The following ELAPOR1 variants were observed in gnomAD, a reference collection of about 807,000 sequenced individuals.
ELAPOR1 encodes endosome/lysosome-associated apoptosis and autophagy regulator 1.
ELAPOR1 carries 77 observed loss-of-function variants against 119.7 expected under a neutral mutation model. That is an observed-to-expected ratio of 0.64 (90% confidence interval 0.54 to 0.78). The LOEUF is 0.78. Among genes scored for constraint, ELAPOR1 ranks in the 30% least tolerant of loss-of-function variants. The probability of loss-of-function intolerance (pLI) is 0.00; values close to 1 mark genes in which losing one functional copy is unlikely to be tolerated. For missense variants in ELAPOR1, 1,115 were observed against 1,270.4 expected (o/e 0.88, Z 1.86); for synonymous variants, 481 against 487.2 (o/e 0.99, Z 0.17).
At chr1:109,158,312 T>TC (rs1651014286) in intron 1 of ELAPOR1, among the ~76,000 whole-genome samples, 1 of 150,642 alleles carries the variant, frequency 6.6e-6, no homozygotes, top group African/African-American at 2.4e-5. Flanking sequence ...CAGTTTTCTT[T>TC]TTTTTTTTTT....
chr1:109,125,180 C>T (rs1031791145), intron 1 of ELAPOR1, among the ~76,000 whole-genome samples: 5 of 151,728 alleles, frequency 3.3e-5, no homozygotes, highest in Non-Finnish European at 7.4e-5. Flanking sequence ...CAACCCACCT[C>T]GGCCTCCCAA....
intron 8 of ELAPOR1, 133 bp downstream of exon 8, chr1:109,185,266 C>G: frequency 1.5e-6 from 1 of 686,812 alleles, no homozygotes; most frequent in Non-Finnish European, 2.5e-6. Flanking sequence ...TTTGAGGTGA[C>G]CCTAGGGCTA....
At chr1:109,145,981 A>G (rs1167881831) in intron 1 of ELAPOR1, among the ~76,000 whole-genome samples, 2 of 152,338 alleles carry the variant, frequency 1.3e-5, no homozygotes, top group Middle Eastern at 3.4e-3. Flanking sequence ...GGCAATATTC[A>G]AAGAGAATAT....
At chr1:109,197,939 T>C in intron 16 of ELAPOR1, 40 bp from the exon 17 acceptor site, 2 of 1,528,956 alleles carry the variant, frequency 1.3e-6, no homozygotes, top group South Asian at 2.2e-5. Context: ...TGCCAGCTAA[T>C]GCTACTAGTG....
chr1:109,144,287 G>C (rs1316947684), intron 1 of ELAPOR1, among the ~76,000 whole-genome samples: 1 of 150,492 alleles, frequency 6.6e-6, no homozygotes, highest in Non-Finnish European at 1.5e-5. Flanking sequence ...CCCAACCTCA[G>C]GTGATCTGCC....
intron 1 of ELAPOR1, among the ~76,000 whole-genome samples, chr1:109,149,879 G>A (rs1055349577): frequency 1.3e-5 from 2 of 152,210 alleles, no homozygotes; most frequent in Non-Finnish European, 2.9e-5. Flanking sequence ...GGGAGCTCGA[G>A]GTGGAAGGGA....
Position 109,191,738 on chromosome 1 carries a change from A to G in ELAPOR1, c.1558A>G (p.Arg520Gly). The change falls in exon 13 of 22, where the codon AGG becomes GGG. Residue 520 changes from arginine to glycine, a missense_variant. Arg to Gly is a moderately radical substitution (Grantham distance 125). Coordinates refer to ENST00000369939, the MANE Select transcript of ELAPOR1 (RefSeq NM_020775.5). Reference sequence around the variant, plus strand: ...GTCCTGGGTTCAGGGTGTGAATTCTAGGACCAACACTCCTGTGGAGACGTG... The same window carrying G: ...GTCCTGGGTTCAGGGTGTGAATTCTGGGACCAACACTCCTGTGGAGACGTG... ...ELYFMVGVNS[R>G]TNTPVETWKG... 1 of 1,614,214 alleles carries G rather than the reference A, an allele frequency of 6.2e-7. No homozygotes were observed. The highest frequency in any genetic ancestry group is 1.1e-5 in the South Asian group (1 of 91,080).
At chr1:109,198,526 C>A in intron 17 of ELAPOR1, 47 bp from the exon 18 acceptor site, 1 of 1,522,454 alleles carries the variant, frequency 6.6e-7, no homozygotes, top group Non-Finnish European at 9.0e-7. Flanking sequence ...TGTCCAATAA[C>A]ACAGCTGAGT....
chr1:109,153,622 T>TGTTTC (rs1217478730), intron 1 of ELAPOR1, among the ~76,000 whole-genome samples: 1 of 15,642 alleles, frequency 6.4e-5, no homozygotes, highest in Non-Finnish European at 3.3e-4. Flanking sequence ...GCAGGTGTTT[T>TGTTTC]GTTTTGTTTT....
rs138864915 is a variant in ELAPOR1 at position 109,126,315 on chromosome 1, A to G, written c.153+11979A>G. On this transcript the variant is annotated intron_variant, in intron 1 of 21. Transcript: ENST00000369939. ...CAGTGTGGCTGAACCACATAAACTT[A>G]CACTTGTAAAATAAAAAAGTGCAAG... 9.9e-4 allele frequency among the ~76,000 whole-genome samples: 151 copies of G among 152,278 alleles called. 2 individuals carry two copies. The East Asian group carries it at 0.019, about 19-fold the overall frequency.
Position 109,203,213 on chromosome 1 carries a change from C to A in ELAPOR1, c.*201C>A, listed in dbSNP as rs1654287095. 3 of 542,254 alleles carry A rather than the reference C, an allele frequency of 5.5e-6. No homozygotes were observed. Among genetic ancestry groups the A allele is most frequent in the Non-Finnish European group, 9.8e-6 (3 of 304,902 alleles). The allele number at this position is 542,254 out of a possible 1,614,324, so 33.6% of individuals were successfully genotyped here. On this transcript the variant is annotated 3_prime_UTR_variant, in exon 22 of 22. Transcript: ENST00000369939. ...TTGCCTCAAACCTGCCAAATATACC[C>A]ACACTTTGTTTGTAAATTATGCCCT...
intron 1 of ELAPOR1, among the ~76,000 whole-genome samples, chr1:109,144,258 G>A (rs1158774987): frequency 6.7e-6 from 1 of 149,956 alleles, no homozygotes; most frequent in Non-Finnish European, 1.5e-5. Context: ...CTCCATGTTT[G>A]CCAGGCTGGT....
chr1:109,194,329 G>A (rs961825979), intron 14 of ELAPOR1, 92 bp from the exon 15 acceptor site: 1 of 1,168,186 alleles, frequency 8.6e-7, no homozygotes, highest in Non-Finnish European at 1.2e-6. Context: ...CATTTGGGCG[G>A]GACCAGACGG....
intron 1 of ELAPOR1, among the ~76,000 whole-genome samples, chr1:109,150,584 G>A (rs989310952): frequency 3.3e-5 from 5 of 152,156 alleles, no homozygotes; most frequent in African/African-American, 9.7e-5. Context: ...CGTCTGCCTC[G>A]GTGTCTGCAG....
intron 1 of ELAPOR1, among the ~76,000 whole-genome samples, chr1:109,129,567 A>G (rs1649012710): frequency 6.6e-6 from 1 of 152,196 alleles, no homozygotes; most frequent in Non-Finnish European, 1.5e-5. Context: ...CCCAACTTTG[A>G]TGGAACACAC....
Position 109,185,101 on chromosome 1 carries a change from TAC to T in ELAPOR1, c.1018_1019del (p.Thr340GlyfsTer21). 4 of 1,614,032 alleles carry T rather than the reference TAC, an allele frequency of 2.5e-6. 1 individual carries two copies. Among genetic ancestry groups the T allele is most frequent in the South Asian group, 2.2e-5 (2 of 91,078 alleles). On this transcript the variant is annotated frameshift_variant, in exon 8 of 22. Transcript: ENST00000369939. LOFTEE classifies it high-confidence loss of function. ...RPACTDKDYF[Y>X]THTACDANGE... The stretch of plus-strand genomic sequence containing the variant: ...AGCTTGCACAGACAAAGATTATTTC[TAC>T]ACACACACGGCCTGCGATGCCAACG...
chr1:109,184,472 T>C (rs1652928532), intron 7 of ELAPOR1, among the ~76,000 whole-genome samples: 1 of 152,186 alleles, frequency 6.6e-6, no homozygotes, highest in Non-Finnish European at 1.5e-5. Flanking sequence ...CAAACCTGGT[T>C]TGTGTAGAAT....
intron 7 of ELAPOR1, among the ~76,000 whole-genome samples, chr1:109,178,819 G>C (rs912705470): frequency 6.6e-6 from 1 of 152,148 alleles, no homozygotes; most frequent in Non-Finnish European, 1.5e-5. Context: ...ACAAAAATTA[G>C]CTGGGTGTGG....
chr1:109,151,943 G>A (rs1167654708), intron 1 of ELAPOR1, among the ~76,000 whole-genome samples: 1 of 149,134 alleles, frequency 6.7e-6, no homozygotes, highest in East Asian at 2.0e-4. Flanking sequence ...GCATGATCAC[G>A]GCTCACTGCA....
Sources: gnomAD v4.1 joint callset for allele counts (sites outside exome capture counted in the v4.1 genomes callset) on GRCh38, gnomAD v4.1.1 for gene constraint, MANE v1.5 for transcripts, NCBI Gene and HGNC (gene_info 2026-07-23, HGNC 2026-07-21) for gene names.